The following MACROD2 variants were observed in gnomAD, a reference collection of about 807,000 sequenced individuals.
MACROD2 encodes ADP-ribose glycohydrolase MACROD2.
In MACROD2, 36 loss-of-function variants were observed where a neutral mutation model predicts 70.4. The ratio of observed to expected loss-of-function variants is 0.51; its 90% CI spans 0.39 to 0.68. The LOEUF (loss-of-function observed/expected upper bound fraction) is 0.68, where lower values mean the gene tolerates loss of function less well. Ranked by LOEUF, MACROD2 falls within the 30% of genes least tolerant of loss-of-function variation. The probability of loss-of-function intolerance (pLI) is 0.00; values close to 1 mark genes in which losing one functional copy is unlikely to be tolerated. For synonymous variants in MACROD2, 172 were observed against 178.8 expected (o/e 0.96, Z 0.30); for missense variants, 496 against 538.4 (o/e 0.92, Z 0.78).
chr20:14,318,626 T>C (rs2082633453), intron 3 of MACROD2, among the ~76,000 whole-genome samples: 1 of 152,214 alleles, frequency 6.6e-6, no homozygotes, highest in African/African-American at 2.4e-5. Flanking sequence ...TTAATGTGGT[T>C]ATTCTTGTTC....
intron 8 of MACROD2, among the ~76,000 whole-genome samples, chr20:15,781,823 A>C (rs970556791): frequency 6.6e-6 from 1 of 152,134 alleles, no homozygotes; most frequent in Admixed American, 6.5e-5. Flanking sequence ...GAAGGTAAAA[A>C]TCCTGGTGGA....
intron 3 of MACROD2, among the ~76,000 whole-genome samples, chr20:14,267,050 A>T (rs1028223530): frequency 4.6e-5 from 7 of 152,142 alleles, no homozygotes; most frequent in Admixed American, 2.0e-4. Context: ...TTTAAGGGAA[A>T]ATTAATGGTA....
intron 5 of MACROD2, among the ~76,000 whole-genome samples, chr20:14,698,113 G>A (rs955910885): frequency 1.3e-5 from 2 of 152,168 alleles, no homozygotes; most frequent in Non-Finnish European, 2.9e-5. Flanking sequence ...AATGAATCAA[G>A]TGACCTGCCC....
chr20:15,156,373 A>G (rs2076306907), intron 5 of MACROD2, among the ~76,000 whole-genome samples: 1 of 152,202 alleles, frequency 6.6e-6, no homozygotes, highest in Non-Finnish European at 1.5e-5. Flanking sequence ...ATTACTTTTC[A>G]TCTTAGTAAT....
chr20:15,128,585 C>T (rs972290357), intron 5 of MACROD2, among the ~76,000 whole-genome samples: 2 of 151,824 alleles, frequency 1.3e-5, no homozygotes, highest in African/African-American at 4.8e-5. Flanking sequence ...ACAATTTTCC[C>T]CTAAAGAAAT....
At chr20:14,758,081 G>T (rs964728543) in intron 5 of MACROD2, 12 of 426,380 alleles carry the variant, frequency 2.8e-5, no homozygotes, top group Non-Finnish European at 4.2e-5. Flanking sequence ...ATTTTGCATT[G>T]TATAAACATC....
chr20:14,399,222 T>G (rs1452861101), intron 3 of MACROD2, among the ~76,000 whole-genome samples: 1 of 152,184 alleles, frequency 6.6e-6, no homozygotes, highest in Non-Finnish European at 1.5e-5. Flanking sequence ...GGTTTCATCA[T>G]GTTCGTTAGG....
At chr20:15,914,935 A>T (rs2065290815) in intron 10 of MACROD2, among the ~76,000 whole-genome samples, 1 of 59,652 alleles carries the variant, frequency 1.7e-5, no homozygotes, top group Non-Finnish European at 5.3e-5. Flanking sequence ...GCTACCAGTT[A>T]ATTACAAAGG....
chr20:14,849,682 A>G (rs374589), intron 5 of MACROD2, among the ~76,000 whole-genome samples: 87,252 of 151,888 alleles, frequency 0.57, 26,255 homozygotes, highest in Non-Finnish European at 0.67. Context: ...TCGGGAGGCT[A>G]AGGCAGGAGA....
At chr20:14,586,799 T>C (rs1981409524) in intron 4 of MACROD2, among the ~76,000 whole-genome samples, 1 of 152,038 alleles carries the variant, frequency 6.6e-6, no homozygotes, top group African/African-American at 2.4e-5. Flanking sequence ...TTAGAGGCTT[T>C]TGTTCTGTGT....
intron 8 of MACROD2, among the ~76,000 whole-genome samples, chr20:15,747,646 T>A (rs977008708): frequency 6.6e-6 from 1 of 152,218 alleles, no homozygotes; most frequent in African/African-American, 2.4e-5. Context: ...TATATTAAAT[T>A]TGTATCCCGC....
chr20:15,915,760 G>A (rs1222683426), intron 10 of MACROD2, among the ~76,000 whole-genome samples: 1 of 152,162 alleles, frequency 6.6e-6, no homozygotes, highest in Non-Finnish European at 1.5e-5. Flanking sequence ...TAGGGGATGG[G>A]TGGAAGAGGA....
At chr20:14,810,568 T>C (rs1321124074) in intron 5 of MACROD2, among the ~76,000 whole-genome samples, 1 of 152,030 alleles carries the variant, frequency 6.6e-6, no homozygotes, top group African/African-American at 2.4e-5. Context: ...CTATTCAACA[T>C]AGTATTGGAA....
intron 8 of MACROD2, among the ~76,000 whole-genome samples, chr20:15,761,907 TAC>T (rs2051442441): frequency 6.6e-6 from 1 of 152,212 alleles, no homozygotes; most frequent in Admixed American, 6.5e-5. Flanking sequence ...TTTCCCTATT[TAC>T]ACACAGTGTT....
intron 5 of MACROD2, among the ~76,000 whole-genome samples, chr20:14,738,816 G>C (rs914354226): frequency 2.0e-5 from 3 of 151,528 alleles, no homozygotes; most frequent in African/African-American, 2.4e-5. Context: ...AAATTCACAA[G>C]TATCCTTAAT....
chr20:15,472,828 T>C (rs916287588), intron 7 of MACROD2, among the ~76,000 whole-genome samples: 2 of 152,174 alleles, frequency 1.3e-5, no homozygotes, highest in Non-Finnish European at 2.9e-5. Context: ...GTACCTATGC[T>C]CACAGTACCT....
At chr20:15,311,249 T>C (rs2077749193) in intron 6 of MACROD2, among the ~76,000 whole-genome samples, 1 of 152,136 alleles carries the variant, frequency 6.6e-6, no homozygotes. Flanking sequence ...GTGCAGAGAA[T>C]AGTAATGTTT....
Position 14,071,421 on chromosome 20 carries a change from C to T in MACROD2, c.164-14200C>T, listed in dbSNP as rs559907603. Among the ~76,000 whole-genome samples, 91 of 151,724 alleles carry T rather than the reference C, an allele frequency of 6.0e-4. 3 individuals carry two copies. The South Asian group carries it at 0.018, about 30-fold the overall frequency. ...GACTACAGGCACCTACCACCACGCC[C>T]GGCTAATTTTTTGTATTTTTAGTAG... On this transcript the variant is annotated intron_variant, in intron 2 of 17. Coordinates refer to ENST00000684519, the MANE Select transcript of MACROD2 (RefSeq NM_001351661.2).
chr20:15,664,707 C>G (rs6110717), intron 8 of MACROD2, among the ~76,000 whole-genome samples: 17,025 of 152,074 alleles, frequency 0.11, 1,368 homozygotes, highest in East Asian at 0.36. Context: ...AGAAGTTGCT[C>G]TTTTTTCATG....
Sources: gnomAD v4.1 joint callset for allele counts (sites outside exome capture counted in the v4.1 genomes callset) on GRCh38, gnomAD v4.1.1 for gene constraint, MANE v1.5 for transcripts, NCBI Gene and HGNC (gene_info 2026-07-23, HGNC 2026-07-21) for gene names.